Variants in ATP9B observed in about 807,000 individuals in gnomAD.
ATP9B encodes the protein probable phospholipid-transporting ATPase IIB.
In ATP9B, 110 loss-of-function variants were observed where a neutral mutation model predicts 146.1. The observed-to-expected ratio is 0.75, with a 90% CI of 0.65 to 0.88. The LOEUF (loss-of-function observed/expected upper bound fraction) is 0.88. Among genes scored for constraint, ATP9B ranks in the 40% least tolerant of loss-of-function variants. The probability of loss-of-function intolerance (pLI) is 0.00; values close to 1 mark genes in which losing one functional copy is unlikely to be tolerated. For missense variants in ATP9B, 1,499 were observed against 1,496.4 expected (o/e 1.00, Z -0.03); for synonymous variants, 604 against 569.7 (o/e 1.06, Z -0.86).
intron 28 of ATP9B, among the ~76,000 whole-genome samples, chr18:79,374,619 G>A (rs573243403): frequency 1.4e-3 from 208 of 152,348 alleles, no homozygotes; most frequent in African/African-American, 4.8e-3. Context: ...ACTCAGACCT[G>A]CGGGAGGTGA....
rs1044028043 is a variant in ATP9B at position 79,073,364 on chromosome 18, C to T, written c.119+3835C>T. Among the ~76,000 whole-genome samples, 15 of 152,276 alleles carry T rather than the reference C, an allele frequency of 9.9e-5. 1 individual carries two copies. Among genetic ancestry groups the T allele is most frequent in the Middle Eastern group, 3.4e-3 (1 of 294 alleles). ...ATTGAGCACTGAGTGAGCGAGACTC[C>T]GTCTGCAATCCCAGCACCCCGGGAG... is the stretch of plus-strand genomic sequence containing the variant. On this transcript the variant is annotated intron_variant, in intron 1 of 29. Transcript: ENST00000426216.
At chr18:79,297,744 G>A (rs1264994863) in intron 13 of ATP9B, among the ~76,000 whole-genome samples, 2 of 148,372 alleles carry the variant, frequency 1.3e-5, no homozygotes, top group South Asian at 2.1e-4. Flanking sequence ...AGCTACTCAG[G>A]GACTTAGGAT....
At chr18:79,354,711 A>G (rs2096941230) in intron 25 of ATP9B, 1 of 152,018 alleles carries the variant, frequency 6.6e-6, no homozygotes, top group Non-Finnish European at 1.5e-5. Context: ...CTGAGTGGAG[A>G]GCGAGGTGAA....
chr18:79,377,441 GTGCCCTT>G lies in ATP9B; in HGVS notation c.*59_*65del. On this transcript the variant is annotated 3_prime_UTR_variant, in exon 30 of 30. Transcript: ENST00000426216. ...CACCTTCTGCCCTTCCCAGCACCTT[GTGCCCTT>G]GCCAGTGAACGCAGGGTTTGCCATT... 1 of 1,583,082 alleles carries G rather than the reference GTGCCCTT, an allele frequency of 6.3e-7. No homozygotes were observed. Among genetic ancestry groups the G allele is most frequent in the Non-Finnish European group, 8.6e-7 (1 of 1,168,006 alleles).
chr18:79,307,238 A>C lies in ATP9B; in HGVS notation c.1773+4A>C. ...CCAGGCTTCCAGCCCGGATGAGGTC[A>C]GTCAAAGCACAAAACCGTGGGAGCT... On this transcript the variant is annotated splice_donor_region_variant and intron_variant, in intron 15 of 29. Transcript: ENST00000426216. The C allele has an allele frequency of 6.2e-7, 1 of 1,614,144 alleles. No homozygotes were observed. Among genetic ancestry groups the C allele is most frequent in the Non-Finnish European group, 8.5e-7 (1 of 1,179,966 alleles).
chr18:79,069,448 C>T lies in ATP9B; in HGVS notation c.38C>T (p.Ala13Val), dbSNP rs1365073957. ...DQIPLYPVRSAAAAAANRKRA... is the reference protein window; with the variant it reads ...DQIPLYPVRSVAAAAANRKRA... ...ATCCCGCTTTACCCGGTGCGTAGCG[C>T]AGCGGCGGCCGCAGCCAACCGCAAA... Residue 13 changes from alanine (A) to valine (V), a missense_variant, in exon 1 of 30, where the codon GCA becomes GTA. Ala to Val is a moderately conservative substitution (Grantham distance 64). Coordinates refer to ENST00000426216, the MANE Select transcript of ATP9B (RefSeq NM_198531.5). 4 of 1,514,358 alleles carry T rather than the reference C, an allele frequency of 2.6e-6. No individual in the cohort carries two copies. Among genetic ancestry groups the T allele is most frequent in the East Asian group, 5.6e-5 (2 of 35,580 alleles). The allele number at this position is 1,514,358 out of a possible 1,614,324, so 93.8% of individuals were successfully genotyped here.
At chr18:79,242,328 G>C (rs1378855439) in intron 11 of ATP9B, among the ~76,000 whole-genome samples, 1 of 152,122 alleles carries the variant, frequency 6.6e-6, no homozygotes, top group Admixed American at 6.5e-5. Context: ...TTGTAATTTA[G>C]AGAACAAGAA....
intron 8 of ATP9B, among the ~76,000 whole-genome samples, chr18:79,190,067 A>C (rs921944282): frequency 6.6e-6 from 1 of 152,162 alleles, no homozygotes; most frequent in Admixed American, 6.5e-5. Flanking sequence ...GGGCTGCGAC[A>C]CGATTCCGGG....
Position 79,231,786 on chromosome 18 carries a change from A to G in ATP9B, c.1107+17748A>G, listed in dbSNP as rs1177539632. ...AGAAAATGTGTGTGTGTGTATATAT[A>G]TATATATATATATATATACACACAC... On this transcript the variant is annotated intron_variant, in intron 11 of 29. Transcript: ENST00000426216. Among the ~76,000 whole-genome samples, 38 of 90,744 alleles carry G rather than the reference A, an allele frequency of 4.2e-4. 1 individual carries two copies. The highest frequency in any genetic ancestry group is 1.3e-3 in the African/African-American group (35 of 26,262). 59.5% of individuals were successfully genotyped at this position (90,744 alleles called of 152,430 possible). A position where few individuals can be genotyped will look rare whatever the true frequency, so the allele number is the denominator to read the frequency against.
chr18:79,092,295 A>G (rs965300891), intron 1 of ATP9B, among the ~76,000 whole-genome samples: 5 of 152,180 alleles, frequency 3.3e-5, no homozygotes, highest in Admixed American at 6.5e-5. Context: ...GGTATAGCCT[A>G]TTGCTCCTAG....
intron 7 of ATP9B, among the ~76,000 whole-genome samples, chr18:79,172,154 C>T (rs900055045): frequency 2.0e-5 from 3 of 150,092 alleles, no homozygotes; most frequent in African/African-American, 5.1e-5. Context: ...CCTGACCTTG[C>T]GATCTGCCTT....
intron 4 of ATP9B, among the ~76,000 whole-genome samples, chr18:79,125,331 A>C (rs2147178355): frequency 1.3e-5 from 2 of 152,292 alleles, no homozygotes; most frequent in South Asian, 4.2e-4. Flanking sequence ...TGAATGGGAA[A>C]GAGACTAGAA....
intron 23 of ATP9B, among the ~76,000 whole-genome samples, chr18:79,346,296 C>T (rs1211372347): frequency 1.3e-5 from 2 of 148,726 alleles, no homozygotes; most frequent in Non-Finnish European, 3.0e-5. Context: ...ACATGCTCAG[C>T]ACACACTTGG....
intron 11 of ATP9B, among the ~76,000 whole-genome samples, chr18:79,218,441 G>T (rs1161085902): frequency 2.0e-5 from 3 of 149,250 alleles, no homozygotes; most frequent in Non-Finnish European, 4.4e-5. Flanking sequence ...TGTGTTCCTT[G>T]TCTCACGCAG....
At chr18:79,222,972 A>C (rs948906402) in intron 11 of ATP9B, among the ~76,000 whole-genome samples, 1 of 152,240 alleles carries the variant, frequency 6.6e-6, no homozygotes, top group Non-Finnish European at 1.5e-5. Context: ...GCCATTCATA[A>C]TAATCAGTTA....
At position 79,213,997 on chromosome 18, in the gene ATP9B, G is replaced by A. The variant is rs2095605965; in HGVS notation, c.1066G>A (p.Glu356Lys). ...AGGTGTTGTCATTTATACCGGAAAA[G>A]AGACTCGAAGTGTAATGAACACATC... is the stretch of plus-strand genomic sequence containing the variant. ...VIGVVIYTGK[E>K]TRSVMNTSNP... Residue 356 changes from glutamate to lysine, a missense_variant, in exon 11 of 30, where the codon GAG becomes AAG. By Grantham distance (56) the Glu-to-Lys change is moderately conservative (BLOSUM62 1). Coordinates refer to ENST00000426216, the MANE Select transcript of ATP9B (RefSeq NM_198531.5). 5 of 1,606,894 alleles carry A rather than the reference G, an allele frequency of 3.1e-6. No homozygotes were observed. The highest frequency in any genetic ancestry group is 4.2e-6 in the Non-Finnish European group (5 of 1,177,748).
chr18:79,326,745 G>A (rs898307398), intron 15 of ATP9B, among the ~76,000 whole-genome samples: 5 of 152,224 alleles, frequency 3.3e-5, no homozygotes, highest in Non-Finnish European at 7.3e-5. Flanking sequence ...GACGTGTGGG[G>A]AATTGCTTAG....
intron 10 of ATP9B, among the ~76,000 whole-genome samples, chr18:79,210,360 A>G (rs2095572899): frequency 6.6e-6 from 1 of 152,166 alleles, no homozygotes; most frequent in African/African-American, 2.4e-5. Context: ...ATGTGGACCC[A>G]CGCCTGGGTG....
rs193288339 is a variant in ATP9B, at chr18:79,359,565, G to A, written c.3012+103G>A. 186 of 844,762 alleles carry A rather than the reference G, an allele frequency of 2.2e-4. 1 individual carries two copies. In the African/African-American group the frequency reaches 2.8e-3, roughly 13 times the overall value. 52.3% of individuals were successfully genotyped at this position (844,762 alleles called of 1,614,324 possible). ...GTCAGGAGGCATTTCCAGGCATTTT[G>A]TGAAAAACGATTCTCTGTCCTTGAA... On this transcript the variant is annotated intron_variant, in intron 26 of 29. Coordinates refer to ENST00000426216, the MANE Select transcript of ATP9B (RefSeq NM_198531.5).
Sources: allele counts gnomAD v4.1 joint callset (sites outside exome capture counted in the v4.1 genomes callset), GRCh38; gene constraint gnomAD v4.1.1; transcripts MANE v1.5; gene names NCBI Gene and HGNC (gene_info 2026-07-23, HGNC 2026-07-21).